The following ARID1B variants were observed in gnomAD, a reference collection of about 807,000 sequenced individuals.
The protein encoded by ARID1B is AT-rich interaction domain 1B, also known as AT-rich interactive domain-containing protein 1B.
ARID1B carries 30 observed loss-of-function variants against 212.3 expected under a neutral mutation model. The ratio of observed to expected loss-of-function variants is 0.14; its 90% CI spans 0.11 to 0.19. ARID1B has a LOEUF of 0.19. Ranked by LOEUF, ARID1B falls within the 10% of genes least tolerant of loss-of-function variation. ARID1B has a pLI of 1.00. For synonymous variants in ARID1B, 1,402 were observed against 1,301.7 expected (o/e 1.08, Z -1.66); for missense variants, 2,891 against 3,204.0 (o/e 0.90, Z 2.36).
Position 157,010,812 on chromosome 6 carries a change from CCT to C in ARID1B, c.2248-73847_2248-73846del, listed in dbSNP as rs562780731. On this transcript the variant is annotated intron_variant, in intron 4 of 19. Coordinates refer to ENST00000636930, the MANE Select transcript of ARID1B (RefSeq NM_001374828.1). ...CTTCACGATAAGAAAGTAGGTGTGA[CCT>C]CTTTTGTTTTTAGCTATGAAATTGC... Among the ~76,000 whole-genome samples the C allele has an allele frequency of 4.4e-3, 664 of 152,210 alleles. 5 individuals are homozygous for C. Among genetic ancestry groups the C allele is most frequent in the African/African-American group, 0.015 (605 of 41,526 alleles).
chr6:156,916,070 A>G (rs1194007036), intron 3 of ARID1B, among the ~76,000 whole-genome samples: 1 of 152,010 alleles, frequency 6.6e-6, no homozygotes, highest in East Asian at 1.9e-4. Context: ...CTGAGCACCG[A>G]CAGAATTAAA....
chr6:156,875,599 C>G (rs1013609043), intron 2 of ARID1B, among the ~76,000 whole-genome samples: 1 of 152,200 alleles, frequency 6.6e-6, no homozygotes, highest in African/African-American at 2.4e-5. Context: ...TTCTCCCTGC[C>G]AGCTTCTCCT....
Position 157,190,225 on chromosome 6 carries a change from G to T in ARID1B, c.4231+15G>T. Reference sequence around the variant, plus strand: ...AATGAGAAAAGGTACGTGTAGAGGGGCCTCCACCCGGCCATGGACCAGTGG... The same window carrying T: ...AATGAGAAAAGGTACGTGTAGAGGGTCCTCCACCCGGCCATGGACCAGTGG... On this transcript the variant is annotated intron_variant, in intron 15 of 19. Transcript: ENST00000636930. This position sits in a 1 kb window ranked among gnomAD's most constrained non-coding sequence, Gnocchi z 4.6. 1 of 1,597,464 alleles carries T rather than the reference G, an allele frequency of 6.3e-7. No homozygotes were observed. Among genetic ancestry groups the T allele is most frequent in the Non-Finnish European group, 8.5e-7 (1 of 1,174,696 alleles).
intron 3 of ARID1B, among the ~76,000 whole-genome samples, chr6:156,931,816 G>A (rs1449674884): frequency 6.6e-6 from 1 of 151,950 alleles, no homozygotes; most frequent in Non-Finnish European, 1.5e-5. Flanking sequence ...TACAAAATTA[G>A]CAAGGCATGG....
intron 8 of ARID1B, chr6:157,166,091 G>T (rs1791304800): frequency 6.6e-6 from 1 of 152,160 alleles, no homozygotes; most frequent in Admixed American, 6.5e-5. Flanking sequence ...TACGTAAGAA[G>T]AGCTTGACTA....
chr6:157,207,602 G>A lies in ARID1B; in HGVS notation c.6830G>A (p.Gly2277Glu). The stretch of plus-strand genomic sequence containing the variant: ...GCAAGGGCCATAGCTGTGCAGAAAG[G>A]AAGCATTGGAAACTTGATAAGCTTC... ...LAARAIAVQK[G>E]SIGNLISFLE... The change falls in exon 20 of 20, where the codon GGA (glycine) becomes GAA (glutamate). Residue 2277 changes from glycine to glutamate, a missense_variant. This residue lies in a region of ARID1B where 187 missense variants were observed against 306.5 expected (regional missense o/e 0.61). Transcript: ENST00000636930. The surrounding 1 kb of genome is among the most constrained non-coding windows in gnomAD (Gnocchi z 8.5). The A allele has an allele frequency of 6.2e-7, 1 of 1,614,184 alleles. No homozygotes were observed. The highest frequency in any genetic ancestry group is 8.5e-7 in the Non-Finnish European group (1 of 1,180,032).
At chr6:156,804,346 CAAAA>C (rs943291491) in intron 1 of ARID1B, among the ~76,000 whole-genome samples, 2 of 130,492 alleles carry the variant, frequency 1.5e-5, no homozygotes, top group Non-Finnish European at 3.3e-5. Context: ...AAAAAAAAAG[CAAAA>C]AAAAAAACAC....
chr6:157,172,698 C>T (rs1192796319), intron 9 of ARID1B: 3 of 152,200 alleles, frequency 2.0e-5, no homozygotes. Flanking sequence ...CCTGCTCACT[C>T]TCTCACTGCT....
At chr6:156,911,679 A>G (rs959912958) in intron 3 of ARID1B, among the ~76,000 whole-genome samples, 3 of 152,236 alleles carry the variant, frequency 2.0e-5, no homozygotes, top group Admixed American at 1.3e-4. Flanking sequence ...AAAGCTGCCT[A>G]TAACACATTT....
At chr6:156,977,904 C>A (rs1284130784) in intron 4 of ARID1B, among the ~76,000 whole-genome samples, 1 of 152,162 alleles carries the variant, frequency 6.6e-6, no homozygotes, top group African/African-American at 2.4e-5. Flanking sequence ...TAAGCAGGGT[C>A]TGCACTGATT....
chr6:157,102,150 G>C (rs1379076094), intron 5 of ARID1B, among the ~76,000 whole-genome samples: 2 of 152,112 alleles, frequency 1.3e-5, no homozygotes, highest in Non-Finnish European at 2.9e-5. Context: ...TAGTAATGTA[G>C]AAAGGAATTA....
At chr6:157,129,532 GA>G (rs1344223055) in intron 6 of ARID1B, among the ~76,000 whole-genome samples, 1 of 152,000 alleles carries the variant, frequency 6.6e-6, no homozygotes, top group African/African-American at 2.4e-5. Flanking sequence ...ATAATACAAA[GA>G]AAAAAATAGC....
Position 156,778,532 on chromosome 6 carries a change from G to A in ARID1B, c.852G>A (p.Glu284=), listed in dbSNP as rs564924707. Residue 284 remains glutamate (E), a synonymous_variant, in exon 1 of 20, where the codon GAG becomes GAA. Transcript: ENST00000636930. ...KMGEPAGGRY[E]HPGLGALGTQ... ...GGGAGCCGGCGGGCGGCCGCTACGA[G>A]CACCCGGGCTTGGGCGCCCTGGGCA... The A allele has an allele frequency of 1.4e-4, 177 of 1,232,070 alleles. No individual in the cohort carries two copies. In the African/African-American group the frequency reaches 2.2e-3, roughly 15 times the overall value. The allele number at this position is 1,232,070 out of a possible 1,614,324, so 76.3% of individuals were successfully genotyped here. A position where few individuals can be genotyped will look rare whatever the true frequency, so the allele number is the denominator to read the frequency against.
At chr6:157,146,150 T>C (rs1204916912) in intron 7 of ARID1B, among the ~76,000 whole-genome samples, 1 of 152,068 alleles carries the variant, frequency 6.6e-6, no homozygotes, top group South Asian at 2.1e-4. Flanking sequence ...ATTAAGCCGG[T>C]GTCCCCAGCC....
In ARID1B at chr6:156,956,190, C is replaced by T. The variant is rs570020876; in HGVS notation, c.2247+20614C>T. 4.6e-5 allele frequency among the ~76,000 whole-genome samples: 7 copies of T among 152,204 alleles called. No homozygotes were observed. The South Asian group carries it at 1.5e-3, about 32-fold the overall frequency. Reference sequence around the variant, plus strand: ...GGAAGGAGGTGGGAGGCAAGTGGGCCACTCAGAAAAAGACATTCTTTTTTG... The same window carrying T: ...GGAAGGAGGTGGGAGGCAAGTGGGCTACTCAGAAAAAGACATTCTTTTTTG... On this transcript the variant is annotated intron_variant, in intron 4 of 19. Transcript: ENST00000636930.
chr6:156,858,838 A>C (rs1047723462), intron 2 of ARID1B, among the ~76,000 whole-genome samples: 8 of 152,188 alleles, frequency 5.3e-5, no homozygotes, highest in Non-Finnish European at 1.2e-4. Context: ...ACGGATTCAT[A>C]ATAATTAAAA....
At chr6:156,909,375 C>T (rs1044238155) in intron 3 of ARID1B, among the ~76,000 whole-genome samples, 14 of 152,062 alleles carry the variant, frequency 9.2e-5, no homozygotes, top group Non-Finnish European at 1.8e-4. Context: ...CCACCTGCCT[C>T]GGCCTCCCAG....
chr6:156,889,673 C>G (rs758655929), intron 2 of ARID1B, among the ~76,000 whole-genome samples: 2 of 152,150 alleles, frequency 1.3e-5, no homozygotes, highest in Non-Finnish European at 2.9e-5. Context: ...GCCGTGTTTG[C>G]TGTGCCTTCG....
At chr6:157,112,918 A>G (rs961315543) in intron 6 of ARID1B, among the ~76,000 whole-genome samples, 1 of 145,288 alleles carries the variant, frequency 6.9e-6, no homozygotes, top group Non-Finnish European at 1.5e-5. Context: ...TATAATGACC[A>G]CTTCTTTTTT....
Sources: gnomAD v4.1 joint callset for allele counts (sites outside exome capture counted in the v4.1 genomes callset) on GRCh38, gnomAD v4.1.1 for gene constraint, gnomAD v4.1.1 regional missense constraint, Gnocchi (gnomAD v3.1) non-coding constraint, MANE v1.5 for transcripts, NCBI Gene and HGNC (gene_info 2026-07-23, HGNC 2026-07-21) for gene names.